The following PPIP5K2 variants were observed in gnomAD, a reference collection of about 807,000 sequenced individuals.
PPIP5K2 encodes inositol hexakisphosphate and diphosphoinositol-pentakisphosphate kinase 2.
A neutral mutation model predicts 154.6 loss-of-function variants in PPIP5K2; 105 were observed. That is an observed-to-expected ratio of 0.68 (90% CI 0.58 to 0.80). PPIP5K2 has a LOEUF of 0.80. Ranked by LOEUF, PPIP5K2 falls within the 30% of genes least tolerant of loss-of-function variation. The probability of loss-of-function intolerance (pLI) is 0.00; values close to 1 mark genes in which losing one functional copy is unlikely to be tolerated. For synonymous variants in PPIP5K2, 480 were observed against 490.3 expected, an observed-to-expected ratio of 0.98 and a Z score of 0.28; for missense variants, 992 against 1,504.6, an observed-to-expected ratio of 0.66 and a Z score of 5.64.
chr5:103,186,429 CT>C lies in PPIP5K2; in HGVS notation c.3280del (p.Cys1094AlafsTer2). ...ATCGTAAAAAGCTGACCTCTTCTGG[CT>C]GCATAGATGGTATGTGCACACATGC... The part of the protein sequence containing the change: ...THRKKLTSSG[C>X]IDDATRGSAV... On this transcript the variant is annotated frameshift_variant, in exon 27 of 31. Coordinates refer to ENST00000358359, the MANE Select transcript of PPIP5K2 (RefSeq NM_001276277.3). LOFTEE classifies it high-confidence loss of function. The C allele has an allele frequency of 6.2e-7, 1 of 1,613,864 alleles. No homozygotes were observed. Among genetic ancestry groups the C allele is most frequent in the Non-Finnish European group, 8.5e-7 (1 of 1,179,834 alleles).
intron 28 of PPIP5K2, among the ~76,000 whole-genome samples, chr5:103,188,014 C>T (rs1800674300): frequency 6.6e-6 from 1 of 152,134 alleles, no homozygotes; most frequent in Non-Finnish European, 1.5e-5. Context: ...TTTAGTACCA[C>T]TGCTTTTTCT....
At chr5:103,131,684 C>T (rs1790642570) in intron 2 of PPIP5K2, among the ~76,000 whole-genome samples, 1 of 151,890 alleles carries the variant, frequency 6.6e-6, no homozygotes. Context: ...TTATTTATTC[C>T]AGATCATTCT....
At chr5:103,201,303 G>T (rs1424339035) in intron 30 of PPIP5K2, among the ~76,000 whole-genome samples, 10 of 152,178 alleles carry the variant, frequency 6.6e-5, no homozygotes, top group African/African-American at 2.4e-4. Context: ...AGTAAAATGA[G>T]AAATTAATTT....
In PPIP5K2 at chr5:103,180,059, T is replaced by C; in HGVS notation, c.2793T>C (p.Asp931=). Residue 931 remains aspartate (D), a synonymous_variant, in exon 24 of 31, where the codon GAT becomes GAC. Transcript: ENST00000358359. ...GRRPFKIDND[D]EPHTSKRDEV... is the part of the protein sequence containing the mutation. ...GACCTTTTAAAATTGATAATGATGA[T>C]GAACCACATACTTCTAAAAGAGATG... 6.3e-7 allele frequency: 1 copy of C among 1,580,478 alleles called. No individual in the cohort carries two copies. Among genetic ancestry groups the C allele is most frequent in the South Asian group, 1.2e-5 (1 of 84,780 alleles).
rs1378104333 is a variant in PPIP5K2 at position 103,209,219 on chromosome 5, T to A, written c.*7585T>A. ...CCAGGCCTCTTCAGCATTTTTATAG[T>A]CAAAGATGTACAAGATAGCTCCTAA... On this transcript the variant is annotated 3_prime_UTR_variant, in exon 31 of 31. Coordinates refer to ENST00000358359, the MANE Select transcript of PPIP5K2 (RefSeq NM_001276277.3). 1 of 152,144 alleles carries A rather than the reference T, an allele frequency of 6.6e-6. No homozygotes were observed. The highest frequency in any genetic ancestry group is 1.5e-5 in the Non-Finnish European group (1 of 68,030). The allele number at this position is 152,144 out of a possible 1,614,324, so 9.4% of individuals were successfully genotyped here. A position where few individuals can be genotyped will look rare whatever the true frequency, so the allele number is the denominator to read the frequency against.
At chr5:103,141,953 G>A (rs1193289574) in intron 5 of PPIP5K2, among the ~76,000 whole-genome samples, 1 of 152,210 alleles carries the variant, frequency 6.6e-6, no homozygotes, top group Non-Finnish European at 1.5e-5. Context: ...ACCAGACTCA[G>A]GAGCCCAGCT....
Position 103,133,528 on chromosome 5 carries a change from C to A in PPIP5K2, c.190C>A (p.Leu64Ile). 6.2e-7 allele frequency: 1 copy of A among 1,612,476 alleles called. No individual in the cohort carries two copies. The highest frequency in any genetic ancestry group is 8.5e-7 in the Non-Finnish European group (1 of 1,179,538). ...KSKSKPMKEI[L>I]ERISLFKYIT... Reference sequence around the variant, plus strand: ...CAAATCCAAACCAATGAAGGAAATTCTTGAACGGATCTCCTTATTTAAATA... The same window carrying A: ...CAAATCCAAACCAATGAAGGAAATTATTGAACGGATCTCCTTATTTAAATA... The change falls in exon 3 of 31, where the codon CTT (leucine) becomes ATT (isoleucine). Residue 64 changes from leucine to isoleucine, a missense_variant. Physicochemically the swap from Leu to Ile is conservative, Grantham distance 5. Transcript: ENST00000358359.
chr5:103,183,439 C>T (rs1220496606), intron 25 of PPIP5K2, 32 bp downstream of exon 25: 2 of 1,566,962 alleles, frequency 1.3e-6, no homozygotes, highest in Non-Finnish European at 1.7e-6. Context: ...AAACATTTTT[C>T]CTCCCTGCAT....
intron 29 of PPIP5K2, among the ~76,000 whole-genome samples, chr5:103,192,894 C>A (rs1413829644): frequency 6.6e-6 from 1 of 152,068 alleles, no homozygotes; most frequent in African/African-American, 2.4e-5. Flanking sequence ...AGTAAATGTA[C>A]TTAATGTGGC....
intron 26 of PPIP5K2, among the ~76,000 whole-genome samples, chr5:103,185,746 A>C (rs528559889): frequency 6.6e-6 from 1 of 152,238 alleles, no homozygotes; most frequent in South Asian, 2.1e-4. Context: ...TTAAGTATTT[A>C]AAGTGATTTA....
chr5:103,161,748 C>T (rs1554215879), intron 17 of PPIP5K2, among the ~76,000 whole-genome samples: 1 of 152,208 alleles, frequency 6.6e-6, no homozygotes, highest in Non-Finnish European at 1.5e-5. Context: ...GCATAAATGT[C>T]TTCTTTTGAG....
chr5:103,141,675 CT>C lies in PPIP5K2; in HGVS notation c.487+3207del, dbSNP rs1792695189. On this transcript the variant is annotated intron_variant, in intron 5 of 30. Coordinates refer to ENST00000358359, the MANE Select transcript of PPIP5K2 (RefSeq NM_001276277.3). Reference sequence around the variant, plus strand: ...GTTCTCCAAGGCCCCACCAGAGCAGCTAGATGCAGAGTGTCGATTGGTGCAT... The same window carrying C: ...GTTCTCCAAGGCCCCACCAGAGCAGCAGATGCAGAGTGTCGATTGGTGCAT... Among the ~76,000 whole-genome samples, 3 of 152,142 alleles carry C rather than the reference CT, an allele frequency of 2.0e-5. No individual in the cohort carries two copies. In the South Asian group the frequency reaches 6.2e-4, roughly 31 times the overall value.
Position 103,183,087 on chromosome 5 carries a change from T to A in PPIP5K2, c.2923-147T>A, listed in dbSNP as rs190968212. The A allele has an allele frequency of 1.8e-4, 136 of 769,930 alleles. 1 individual carries two copies. The African/African-American group carries it at 2.3e-3, about 13-fold the overall frequency. The allele number at this position is 769,930 out of a possible 1,614,324, so 47.7% of individuals were successfully genotyped here. A position where few individuals can be genotyped will look rare whatever the true frequency, so the allele number is the denominator to read the frequency against. ...CCCAAATTGCTGTGTAATGGTTTTT[T>A]AAAAAAATTAATAAGCAAATATGAA... On this transcript the variant is annotated intron_variant, in intron 24 of 30. Coordinates refer to ENST00000358359, the MANE Select transcript of PPIP5K2 (RefSeq NM_001276277.3).
chr5:103,137,637 C>T lies in PPIP5K2; in HGVS notation c.402-747C>T, dbSNP rs1038466345. On this transcript the variant is annotated intron_variant, in intron 4 of 30. Transcript: ENST00000358359. The stretch of plus-strand genomic sequence containing the variant: ...ACTCCTATAGCTATTCTCATAATCT[C>T]ACCAGCATTCTATTTTCTTGTTTTA... Among the ~76,000 whole-genome samples the T allele has an allele frequency of 9.3e-4, 142 of 152,202 alleles. 2 individuals are homozygous for T. The highest frequency in any genetic ancestry group is 2.8e-4 in the Non-Finnish European group (19 of 67,998).
At position 103,153,937 on chromosome 5, in the gene PPIP5K2, A is replaced by G. The variant is rs782527734; in HGVS notation, c.1217+3A>G. The G allele has an allele frequency of 1.3e-6, 2 of 1,570,924 alleles. No homozygotes were observed. Among genetic ancestry groups the G allele is most frequent in the Non-Finnish European group, 8.7e-7 (1 of 1,151,482 alleles). ...AAAATGGAAGTGAGACATCAGAAGT[A>G]TGTTTTCAGATGAATAATTTAACAT... On this transcript the variant is annotated splice_donor_region_variant and intron_variant, in intron 11 of 30. Coordinates refer to ENST00000358359, the MANE Select transcript of PPIP5K2 (RefSeq NM_001276277.3).
intron 29 of PPIP5K2, among the ~76,000 whole-genome samples, chr5:103,192,696 T>C (rs1801429048): frequency 6.6e-6 from 1 of 152,118 alleles, no homozygotes; most frequent in Admixed American, 6.6e-5. Flanking sequence ...CATTTTGTAG[T>C]TAGTGAATTC....
At chr5:103,177,191 C>G (rs1009976939) in intron 21 of PPIP5K2, among the ~76,000 whole-genome samples, 2 of 151,814 alleles carry the variant, frequency 1.3e-5, no homozygotes, top group African/African-American at 4.8e-5. Flanking sequence ...TTTGTATAAG[C>G]AGTTAAAAAA....
At chr5:103,173,521 G>A (rs1327141044) in intron 20 of PPIP5K2, among the ~76,000 whole-genome samples, 1 of 151,968 alleles carries the variant, frequency 6.6e-6, no homozygotes, top group Non-Finnish European at 1.5e-5. Flanking sequence ...GACCATCAAT[G>A]TGTACCCCAT....
At position 103,186,450 on chromosome 5, in the gene PPIP5K2, ACATGCACACACAGATTCATACCTACACC is replaced by A; in HGVS notation, c.3289+23_3289+50del. ...CTGGCTGCATAGATGGTATGTGCACACATGCACACACAGATTCATACCTACACCCATGCACACACCCATGAGCAGTATT... is the reference window on the plus strand; with the variant it reads ...CTGGCTGCATAGATGGTATGTGCACACATGCACACACCCATGAGCAGTATT... On this transcript the variant is annotated intron_variant, in intron 27 of 30. Coordinates refer to ENST00000358359, the MANE Select transcript of PPIP5K2 (RefSeq NM_001276277.3). 2 of 1,613,656 alleles carry A rather than the reference ACATGCACACACAGATTCATACCTACACC, an allele frequency of 1.2e-6. No individual in the cohort carries two copies. Among genetic ancestry groups the A allele is most frequent in the Non-Finnish European group, 1.7e-6 (2 of 1,179,708 alleles).
Sources: gnomAD v4.1 joint callset for allele counts (sites outside exome capture counted in the v4.1 genomes callset) on GRCh38, gnomAD v4.1.1 for gene constraint, MANE v1.5 for transcripts, NCBI Gene and HGNC (gene_info 2026-07-23, HGNC 2026-07-21) for gene names.